SCNN1B: variants seen among roughly 807,000 people sequenced by gnomAD.
SCNN1B encodes epithelial sodium channel subunit beta.
A neutral mutation model predicts 65.3 loss-of-function variants in SCNN1B; 46 were observed. The ratio of observed to expected loss-of-function variants is 0.70; its 90% CI spans 0.56 to 0.90. The LOEUF is 0.90. Ranked by LOEUF, SCNN1B falls within the 40% of genes least tolerant of loss-of-function variation. The pLI, the probability that SCNN1B is intolerant of heterozygous loss-of-function variation, is 0.00. For missense variants in SCNN1B, 751 were observed against 830.5 expected (o/e 0.90, Z 1.18); for synonymous variants, 349 against 330.6 (o/e 1.06, Z -0.60).
rs1310801330 is a variant in SCNN1B at position 23,355,294 on chromosome 16, C to T, written c.586-5C>T. On this transcript the variant is annotated splice_region_variant and splice_polypyrimidine_tract_variant and intron_variant, in intron 3 of 12. Transcript: ENST00000343070. Reference sequence around the variant, plus strand: ...ACCCACAAAAACCCCTCTTGGCCTCCACAGTGTAGCCTCAACAGGACCCAG... The same window carrying T: ...ACCCACAAAAACCCCTCTTGGCCTCTACAGTGTAGCCTCAACAGGACCCAG... 1.9e-6 allele frequency: 3 copies of T among 1,614,186 alleles called. No homozygotes were observed. The highest frequency in any genetic ancestry group is 1.6e-4 in the Middle Eastern group (1 of 6,062).
At chr16:23,368,483 A>G (rs1962718286) in intron 5 of SCNN1B, among the ~76,000 whole-genome samples, 1 of 152,216 alleles carries the variant, frequency 6.6e-6, no homozygotes, top group Admixed American at 6.5e-5. Flanking sequence ...TCAAGGCAGC[A>G]GTGAGCCATG....
chr16:23,375,375 G>A (rs1226411045), intron 7 of SCNN1B, among the ~76,000 whole-genome samples: 1 of 152,054 alleles, frequency 6.6e-6, no homozygotes, highest in Non-Finnish European at 1.5e-5. Flanking sequence ...TTGGACGGAG[G>A]CTGGCATCCT....
At chr16:23,309,405 AATG>A (rs1961290760) in intron 1 of SCNN1B, among the ~76,000 whole-genome samples, 1 of 135,248 alleles carries the variant, frequency 7.4e-6, no homozygotes, top group South Asian at 2.3e-4. Context: ...TAGATAGATA[AATG>A]ATGATAGATA....
At chr16:23,344,675 A>C (rs1033497818) in intron 1 of SCNN1B, among the ~76,000 whole-genome samples, 2 of 152,018 alleles carry the variant, frequency 1.3e-5, no homozygotes, top group African/African-American at 4.8e-5. Flanking sequence ...TTGGGCAGGC[A>C]CATAGAGTTT....
intron 4 of SCNN1B, 56 bp from the exon 5 acceptor site, chr16:23,367,800 G>C (rs569235071): frequency 6.8e-6 from 9 of 1,325,024 alleles, no homozygotes; most frequent in Non-Finnish European, 9.8e-6. Flanking sequence ...GCAGACAGTC[G>C]GGGGAGGCAT....
intron 1 of SCNN1B, among the ~76,000 whole-genome samples, chr16:23,322,804 G>A (rs911502010): frequency 5.9e-5 from 9 of 152,042 alleles, no homozygotes; most frequent in Admixed American, 5.2e-4. Context: ...AAATACATGT[G>A]TATAGCAAAA....
At chr16:23,352,202 G>C (rs1962323619) in intron 2 of SCNN1B, among the ~76,000 whole-genome samples, 1 of 152,220 alleles carries the variant, frequency 6.6e-6, no homozygotes, top group South Asian at 2.1e-4. Flanking sequence ...ACAGTGCCTG[G>C]CACATAGTAG....
chr16:23,297,071 C>T (rs1961009153), intron 2 of SCNN1B, among the ~76,000 whole-genome samples: 1 of 151,984 alleles, frequency 6.6e-6, no homozygotes, highest in South Asian at 2.1e-4. Flanking sequence ...AAGGATTCCA[C>T]CAACCCAGCC....
intron 1 of SCNN1B, among the ~76,000 whole-genome samples, chr16:23,325,275 CT>C (rs1039373009): frequency 6.6e-6 from 1 of 151,728 alleles, no homozygotes; most frequent in East Asian, 1.9e-4. Flanking sequence ...TTTTCTTTTT[CT>C]TTTTTTTGAG....
chr16:23,307,264 C>T (rs993846755), intron 1 of SCNN1B, among the ~76,000 whole-genome samples: 5 of 149,368 alleles, frequency 3.3e-5, no homozygotes, highest in Non-Finnish European at 5.9e-5. Context: ...CAACTGCTGC[C>T]GTTATTTTGA....
At chr16:23,356,839 T>C (rs555669997) in intron 4 of SCNN1B, among the ~76,000 whole-genome samples, 1 of 152,080 alleles carries the variant, frequency 6.6e-6, no homozygotes, top group Non-Finnish European at 1.5e-5. Context: ...GCATCAGGTG[T>C]TGTCCCAGTC....
chr16:23,326,920 A>G (rs1319960341), intron 1 of SCNN1B, among the ~76,000 whole-genome samples: 2 of 151,316 alleles, frequency 1.3e-5, no homozygotes, highest in East Asian at 4.0e-4. Context: ...TACTCTCTCA[A>G]GTCTCCAGTG....
intron 4 of SCNN1B, among the ~76,000 whole-genome samples, chr16:23,358,704 C>T (rs1035320713): frequency 3.3e-5 from 5 of 152,112 alleles, no homozygotes; most frequent in Admixed American, 1.3e-4. Flanking sequence ...ACCAGGGGTT[C>T]GAGACCAGCC....
chr16:23,327,658 T>C (rs777725865), intron 1 of SCNN1B, among the ~76,000 whole-genome samples: 22 of 152,184 alleles, frequency 1.4e-4, no homozygotes, highest in Non-Finnish European at 2.8e-4. Context: ...TTTCTTGCCA[T>C]GAGTGTCTGT....
intron 2 of SCNN1B, among the ~76,000 whole-genome samples, chr16:23,293,197 TCAAA>T (rs1176368645): frequency 7.1e-6 from 1 of 140,102 alleles, no homozygotes; most frequent in South Asian, 2.5e-4. Context: ...AACCAGTGAC[TCAAA>T]CAGTGAACAC....
intron 1 of SCNN1B, among the ~76,000 whole-genome samples, chr16:23,314,625 A>G (rs1254552125): frequency 6.6e-6 from 1 of 151,678 alleles, no homozygotes; most frequent in Non-Finnish European, 1.5e-5. Flanking sequence ...GGAGGAGGGG[A>G]ATTTTTTTCT....
chr16:23,315,225 T>A (rs1961428154), intron 1 of SCNN1B, among the ~76,000 whole-genome samples: 1 of 152,062 alleles, frequency 6.6e-6, no homozygotes, highest in Non-Finnish European at 1.5e-5. Context: ...TAGTCCCAGC[T>A]GCTCAGGAGG....
intron 1 of SCNN1B, among the ~76,000 whole-genome samples, chr16:23,307,028 A>G (rs1961233611): frequency 6.6e-6 from 1 of 152,188 alleles, no homozygotes; most frequent in Non-Finnish European, 1.5e-5. Context: ...ACTGAGGCTC[A>G]AGAAGAGTAA....
intron 4 of SCNN1B, among the ~76,000 whole-genome samples, chr16:23,361,258 T>C (rs564220396): frequency 6.6e-6 from 1 of 152,274 alleles, no homozygotes; most frequent in African/African-American, 2.4e-5. Context: ...GGAATAGTTT[T>C]AGATTTACAG....
Sources: gnomAD v4.1 joint callset for allele counts (sites outside exome capture counted in the v4.1 genomes callset) on GRCh38, gnomAD v4.1.1 for gene constraint, MANE v1.5 for transcripts, NCBI Gene and HGNC (gene_info 2026-07-23, HGNC 2026-07-21) for gene names.